The following ARHGAP26 variants were observed in gnomAD, a reference collection of about 807,000 sequenced individuals.
ARHGAP26 encodes the protein Rho GTPase activating protein 26, also known as rho GTPase-activating protein 26.
In ARHGAP26, 38 loss-of-function variants were observed where a neutral mutation model predicts 104.8. The observed-to-expected ratio is 0.36, with a 90% CI of 0.28 to 0.48. The LOEUF (loss-of-function observed/expected upper bound fraction) is 0.48, where lower values mean the gene tolerates loss of function less well. Ranked by LOEUF, ARHGAP26 falls within the 20% of genes least tolerant of loss-of-function variation. The pLI is 0.99. For synonymous variants in ARHGAP26, 341 were observed against 340.0 expected, an observed-to-expected ratio of 1.00 and a Z score of -0.03; for missense variants, 704 against 947.9, an observed-to-expected ratio of 0.74 and a Z score of 3.38.
intron 1 of ARHGAP26, among the ~76,000 whole-genome samples, chr5:142,814,113 C>G (rs919551603): frequency 6.6e-6 from 1 of 152,220 alleles, no homozygotes; most frequent in Non-Finnish European, 1.5e-5. Context: ...CTTATTAACC[C>G]TTGTGTCTTG....
At chr5:143,085,555 T>C (rs1042820602) in intron 17 of ARHGAP26, among the ~76,000 whole-genome samples, 2 of 152,160 alleles carry the variant, frequency 1.3e-5, no homozygotes, top group Non-Finnish European at 2.9e-5. Context: ...CTGCATATGA[T>C]GATGAATTTT....
At chr5:142,935,805 C>G (rs1765326318) in intron 11 of ARHGAP26, among the ~76,000 whole-genome samples, 1 of 152,176 alleles carries the variant, frequency 6.6e-6, no homozygotes, top group Admixed American at 6.5e-5. Flanking sequence ...TACTTACTCT[C>G]AGATGTATGT....
chr5:143,120,910 T>C (rs1796051716), intron 17 of ARHGAP26, 78 bp from the exon 18 acceptor site: 3 of 1,410,984 alleles, frequency 2.1e-6, no homozygotes, highest in African/African-American at 1.4e-5. Context: ...AATAGGAAGA[T>C]AGGAAGGATA....
At chr5:143,140,146 G>A (rs1277308238) in intron 19 of ARHGAP26, among the ~76,000 whole-genome samples, 2 of 152,154 alleles carry the variant, frequency 1.3e-5, no homozygotes, top group Admixed American at 1.3e-4. Context: ...TGGGGCTCAA[G>A]CATCTATATT....
rs558761332 is a variant in ARHGAP26, at chr5:143,201,197, T to G, written c.1989-6001T>G. Among the ~76,000 whole-genome samples the G allele has an allele frequency of 5.9e-5, 9 of 152,316 alleles. No individual in the cohort carries two copies. The East Asian group carries it at 9.6e-4, about 16-fold the overall frequency. Reference sequence around the variant, plus strand: ...AGACCAGCAAATGTTCCTTGCATGCTACAGTGTATGCTGTGTTGTTGCTGT... The same window carrying G: ...AGACCAGCAAATGTTCCTTGCATGCGACAGTGTATGCTGTGTTGTTGCTGT... On this transcript the variant is annotated intron_variant, in intron 20 of 22. Coordinates refer to ENST00000645722, the MANE Select transcript of ARHGAP26 (RefSeq NM_001135608.3).
chr5:142,968,361 A>C (rs1771731429), intron 11 of ARHGAP26, among the ~76,000 whole-genome samples: 1 of 152,238 alleles, frequency 6.6e-6, no homozygotes, highest in Admixed American at 6.5e-5. Flanking sequence ...TCCTTATTAA[A>C]AATAAAGACC....
At chr5:142,912,908 T>A (rs1313739248) in intron 9 of ARHGAP26, among the ~76,000 whole-genome samples, 1 of 152,164 alleles carries the variant, frequency 6.6e-6, no homozygotes, top group Non-Finnish European at 1.5e-5. Context: ...TTATCAAACC[T>A]GCAAATTAAA....
At chr5:143,214,955 C>T (rs1465584641) in intron 22 of ARHGAP26, among the ~76,000 whole-genome samples, 1 of 152,226 alleles carries the variant, frequency 6.6e-6, no homozygotes, top group Non-Finnish European at 1.5e-5. Flanking sequence ...TCAAAATGCA[C>T]GAACAGCCAG....
intron 20 of ARHGAP26, chr5:143,202,174 C>A (rs1807845525): frequency 6.6e-6 from 1 of 151,928 alleles, no homozygotes; most frequent in Non-Finnish European, 1.5e-5. Context: ...TTGCATTGAT[C>A]CCTTTACCAT....
intron 11 of ARHGAP26, among the ~76,000 whole-genome samples, chr5:142,974,406 C>T (rs543976795): frequency 4.6e-5 from 7 of 152,000 alleles, no homozygotes; most frequent in South Asian, 2.1e-4. Context: ...TAATATGGAG[C>T]GCGAATGTTT....
At chr5:142,800,433 G>A (rs1248813379) in intron 1 of ARHGAP26, among the ~76,000 whole-genome samples, 18 of 150,898 alleles carry the variant, frequency 1.2e-4, no homozygotes, top group Admixed American at 1.2e-3. Flanking sequence ...GCAATAGCGT[G>A]ATCTCGGCTT....
At chr5:142,914,294 C>T (rs1762208728) in intron 10 of ARHGAP26, among the ~76,000 whole-genome samples, 1 of 152,204 alleles carries the variant, frequency 6.6e-6, no homozygotes, top group Non-Finnish European at 1.5e-5. Context: ...GCCCCCTTAG[C>T]CTTTATCAGA....
intron 1 of ARHGAP26, among the ~76,000 whole-genome samples, chr5:142,822,954 C>G (rs1329743839): frequency 6.6e-6 from 1 of 152,164 alleles, no homozygotes; most frequent in Non-Finnish European, 1.5e-5. Flanking sequence ...GCTGGTTTAC[C>G]AGTGAGCCCT....
chr5:142,881,421 C>T lies in ARHGAP26; in HGVS notation c.384+1976C>T, dbSNP rs140496809. 8.4e-3 allele frequency among the ~76,000 whole-genome samples: 1,285 copies of T among 152,196 alleles called. 7 individuals carry two copies. Among genetic ancestry groups the T allele is most frequent in the Non-Finnish European group, 0.013 (908 of 67,996 alleles). On this transcript the variant is annotated intron_variant, in intron 4 of 22. Coordinates refer to ENST00000645722, the MANE Select transcript of ARHGAP26 (RefSeq NM_001135608.3). ...TAGGAGGAGCTACTGTCCCCCGGGG[C>T]GGCGGCTGGGGGGTGGTATAGATGG...
intron 20 of ARHGAP26, among the ~76,000 whole-genome samples, chr5:143,163,601 C>T (rs113065735): frequency 0.12 from 17,773 of 152,010 alleles, 1,166 homozygotes; most frequent in Middle Eastern, 0.2. Context: ...CAGGGGTGCA[C>T]CACCACACCC....
At chr5:142,941,093 A>T (rs1458500532) in intron 11 of ARHGAP26, among the ~76,000 whole-genome samples, 1 of 150,400 alleles carries the variant, frequency 6.6e-6, no homozygotes, top group African/African-American at 2.4e-5. Context: ...AAAAAAAAAA[A>T]AAAAAAAGAA....
intron 6 of ARHGAP26, among the ~76,000 whole-genome samples, chr5:142,900,408 A>G (rs546206943): frequency 2.0e-5 from 3 of 152,122 alleles, no homozygotes; most frequent in East Asian, 3.9e-4. Context: ...CTCTCCCACC[A>G]CCCATGAGAA....
At chr5:143,208,204 TA>T (rs1808890345) in intron 21 of ARHGAP26, among the ~76,000 whole-genome samples, 1 of 152,176 alleles carries the variant, frequency 6.6e-6, no homozygotes, top group African/African-American at 2.4e-5. Flanking sequence ...AAGAGCTCTT[TA>T]CAACCGGGAA....
intron 21 of ARHGAP26, among the ~76,000 whole-genome samples, chr5:143,213,671 A>C (rs1467046493): frequency 6.6e-6 from 1 of 151,682 alleles, no homozygotes; most frequent in African/African-American, 2.4e-5. Context: ...CCCCCAAGGC[A>C]CTCCTGCTCC....
Sources: gnomAD v4.1 joint callset for allele counts (sites outside exome capture counted in the v4.1 genomes callset) on GRCh38, gnomAD v4.1.1 for gene constraint, MANE v1.5 for transcripts, NCBI Gene and HGNC (gene_info 2026-07-23, HGNC 2026-07-21) for gene names.